The following ABCA12 variants were observed in gnomAD, a reference collection of about 807,000 sequenced individuals.
The protein encoded by ABCA12 is ATP binding cassette subfamily A member 12.
A neutral mutation model predicts 293.5 loss-of-function variants in ABCA12; 156 were observed. The observed-to-expected ratio is 0.53, with a 90% CI of 0.47 to 0.61. The LOEUF is 0.61. Ranked by LOEUF, ABCA12 falls within the 20% of genes least tolerant of loss-of-function variation. The pLI, the probability that ABCA12 is intolerant of heterozygous loss-of-function variation, is 0.00. For synonymous variants in ABCA12, 1,063 were observed against 1,108.0 expected, an observed-to-expected ratio of 0.96 and a Z score of 0.81; for missense variants, 2,797 against 3,090.2, an observed-to-expected ratio of 0.91 and a Z score of 2.25.
chr2:215,000,366 G>T (rs1237649606), intron 22 of ABCA12, among the ~76,000 whole-genome samples: 1 of 152,110 alleles, frequency 6.6e-6, no homozygotes, highest in Non-Finnish European at 1.5e-5. Context: ...CCTTTCATTT[G>T]ACTAGAGGGA....
chr2:214,950,799 C>G, intron 45 of ABCA12, 80 bp downstream of exon 45: 1 of 1,486,446 alleles, frequency 6.7e-7, no homozygotes, highest in South Asian at 1.1e-5. Flanking sequence ...GCCACTGTAC[C>G]TGGCCAATAA....
At chr2:214,968,622 T>C (rs1453607907) in intron 38 of ABCA12, 98 bp downstream of exon 38, 3 of 1,169,612 alleles carry the variant, frequency 2.6e-6, no homozygotes, top group Non-Finnish European at 2.6e-6. Context: ...GCCAAATCGA[T>C]TGTACCCATA....
chr2:214,988,669 T>A (rs778125069), intron 26 of ABCA12, among the ~76,000 whole-genome samples: 4 of 152,162 alleles, frequency 2.6e-5, no homozygotes, highest in Non-Finnish European at 4.4e-5. Flanking sequence ...TTAGGAGATT[T>A]GGTTTTTCCC....
At chr2:215,007,301 T>C (rs944646068) in intron 19 of ABCA12, among the ~76,000 whole-genome samples, 2 of 152,240 alleles carry the variant, frequency 1.3e-5, no homozygotes, top group African/African-American at 2.4e-5. Flanking sequence ...TATTAACACA[T>C]GTGTCATAAA....
In ABCA12 at chr2:214,974,821, C is replaced by G. The variant is rs1401852800; in HGVS notation, c.5425G>C (p.Asp1809His). The G allele has an allele frequency of 6.2e-7, 1 of 1,613,934 alleles. No individual in the cohort carries two copies. ...CACATGTTGTCAATTCCAGGGAAGTCCCACATTGCTGAGACAAGTGCTTCC... is the reference window on the plus strand; with the variant it reads ...CACATGTTGTCAATTCCAGGGAAGTGCCACATTGCTGAGACAAGTGCTTCC... ...STEALVSAMW[D>H]FPGIDNMCLN... Residue 1809 changes from aspartate to histidine, a missense_variant, in exon 35 of 53, where the codon GAC becomes CAC. By Grantham distance (81) the Asp-to-His change is moderately conservative. Around this residue, in one of 3 missense-constraint regions of ABCA12, gnomAD observed 2,130 missense variants for 2,427.0 expected, o/e 0.88. Transcript: ENST00000272895.
chr2:215,021,585 G>C (rs1700632950), intron 11 of ABCA12, among the ~76,000 whole-genome samples: 2 of 152,190 alleles, frequency 1.3e-5, no homozygotes, highest in East Asian at 1.9e-4. Context: ...CTTTTAAGAA[G>C]GGAAATAAAT....
intron 2 of ABCA12, among the ~76,000 whole-genome samples, chr2:215,072,973 T>A (rs1256199696): frequency 6.6e-6 from 1 of 152,120 alleles, no homozygotes; most frequent in East Asian, 1.9e-4. Context: ...CAGGCACCTG[T>A]AACCCCAGCT....
intron 50 of ABCA12, among the ~76,000 whole-genome samples, chr2:214,939,393 G>C (rs1698324314): frequency 6.6e-6 from 1 of 152,178 alleles, no homozygotes; most frequent in African/African-American, 2.4e-5. Context: ...AAGTCAGGTA[G>C]CATGATGCCT....
At chr2:215,042,894 T>C (rs1212657183) in intron 7 of ABCA12, among the ~76,000 whole-genome samples, 1 of 152,186 alleles carries the variant, frequency 6.6e-6, no homozygotes, top group Non-Finnish European at 1.5e-5. Flanking sequence ...TACATTCTAC[T>C]ATGAGATCAA....
chr2:215,115,709 T>G (rs10221973), intron 1 of ABCA12, among the ~76,000 whole-genome samples: 22,612 of 152,274 alleles, frequency 0.15, 1,917 homozygotes, highest in Admixed American at 0.22. Context: ...TCTACTGAGA[T>G]GTACCATTCT....
intron 35 of ABCA12, 133 bp downstream of exon 35, chr2:214,974,645 T>C: frequency 1.2e-6 from 1 of 843,776 alleles, no homozygotes; most frequent in Non-Finnish European, 2.0e-6. Flanking sequence ...ATAGACAAAA[T>C]CTGTTAAACA....
intron 10 of ABCA12, among the ~76,000 whole-genome samples, chr2:215,026,329 G>T (rs1415957400): frequency 1.3e-5 from 2 of 152,204 alleles, no homozygotes; most frequent in African/African-American, 4.8e-5. Flanking sequence ...CTTTATGGTT[G>T]CCCATGTAGG....
chr2:215,131,790 T>C (rs1399553132), intron 1 of ABCA12, among the ~76,000 whole-genome samples: 1 of 151,562 alleles, frequency 6.6e-6, no homozygotes. Context: ...TTTATTTTAT[T>C]TTGCTCTTGT....
At chr2:214,961,233 G>A (rs1406057274) in intron 39 of ABCA12, among the ~76,000 whole-genome samples, 5 of 152,010 alleles carry the variant, frequency 3.3e-5, no homozygotes, top group Non-Finnish European at 5.9e-5. Flanking sequence ...ACTTCCGTAA[G>A]TCTATTTAAG....
At chr2:214,953,507 G>T (rs1698845068) in intron 44 of ABCA12, among the ~76,000 whole-genome samples, 1 of 152,024 alleles carries the variant, frequency 6.6e-6, no homozygotes, top group African/African-American at 2.4e-5. Flanking sequence ...CCCCATTTCT[G>T]CCTTGAAAGT....
intron 2 of ABCA12, chr2:215,080,865 G>C (rs1180741443): frequency 6.6e-6 from 1 of 152,612 alleles, no homozygotes; most frequent in East Asian, 1.9e-4. Flanking sequence ...GTTTCATACA[G>C]AGTATTAGAA....
At chr2:214,979,667 G>A (rs1699604918) in intron 31 of ABCA12, among the ~76,000 whole-genome samples, 1 of 152,066 alleles carries the variant, frequency 6.6e-6, no homozygotes, top group Non-Finnish European at 1.5e-5. Flanking sequence ...AGAGGCCAGA[G>A]ATTTTCATAT....
intron 2 of ABCA12, among the ~76,000 whole-genome samples, chr2:215,066,880 A>G (rs1203144458): frequency 1.3e-5 from 2 of 152,096 alleles, no homozygotes; most frequent in African/African-American, 4.8e-5. Flanking sequence ...AACAATAACA[A>G]CAGTGATTTA....
chr2:215,089,437 G>C (rs961262663), intron 2 of ABCA12, among the ~76,000 whole-genome samples: 1 of 152,102 alleles, frequency 6.6e-6, no homozygotes, highest in African/African-American at 2.4e-5. Context: ...TTAGCGCACA[G>C]GCCAAAAAGC....
Sources: gnomAD v4.1 joint callset for allele counts (sites outside exome capture counted in the v4.1 genomes callset) on GRCh38, gnomAD v4.1.1 for gene constraint, gnomAD v4.1.1 regional missense constraint, MANE v1.5 for transcripts, NCBI Gene and HGNC (gene_info 2026-07-23, HGNC 2026-07-21) for gene names.